The following LRRC37A2 variants were observed in gnomAD, a reference collection of about 807,000 sequenced individuals.
LRRC37A2 encodes leucine rich repeat containing 37 member A2, also known as leucine-rich repeat-containing protein 37A2.
In LRRC37A2, 9 loss-of-function variants were observed where a neutral mutation model predicts 68.8. That is an observed-to-expected ratio of 0.13 (90% CI 0.08 to 0.23). LRRC37A2 has a LOEUF of 0.23. Among genes scored for constraint, LRRC37A2 ranks in the 10% least tolerant of loss-of-function variants. The probability of loss-of-function intolerance (pLI) is 1.00; values close to 1 mark genes in which losing one functional copy is unlikely to be tolerated. For synonymous variants in LRRC37A2, 63 were observed against 367.6 expected (o/e 0.17, Z 9.48); for missense variants, 168 against 950.4 (o/e 0.18, Z 10.82).
the LRRC37A2 span, among the ~76,000 whole-genome samples, chr17:46,954,649 T>A: frequency 3.9e-5 from 6 of 152,258 alleles, no homozygotes; most frequent in Admixed American, 6.5e-5. Context: ...TGATTCTTCC[T>A]ACCCATGAGC....
At chr17:46,816,357 AAC>A in the LRRC37A2 span, among the ~76,000 whole-genome samples, 5,217 of 152,058 alleles carry the variant, frequency 0.034, 268 homozygotes, top group African/African-American at 0.12. Context: ...TGGATCCCCC[AAC>A]ACGCCCACAC....
the LRRC37A2 span, among the ~76,000 whole-genome samples, chr17:46,959,288 C>G: frequency 2.6e-5 from 4 of 152,180 alleles, no homozygotes; most frequent in South Asian, 8.3e-4. Flanking sequence ...AATCACACAC[C>G]AAAAAGGAAA....
At chr17:46,716,585 A>G in the LRRC37A2 span, among the ~76,000 whole-genome samples, 5 of 152,252 alleles carry the variant, frequency 3.3e-5, no homozygotes, top group South Asian at 1.0e-3. Context: ...GTGAGGATGG[A>G]AAGAAGATGT....
At chr17:46,855,171 G>T in the LRRC37A2 span, among the ~76,000 whole-genome samples, 2 of 152,256 alleles carry the variant, frequency 1.3e-5, no homozygotes, top group African/African-American at 2.4e-5. Context: ...ACAGCCTCCA[G>T]TGCTAAGACA....
chr17:46,691,901 T>C, the LRRC37A2 span, among the ~76,000 whole-genome samples: 1 of 151,036 alleles, frequency 6.6e-6, no homozygotes, highest in East Asian at 2.0e-4. Flanking sequence ...TACAGGCACC[T>C]GCCACCACAC....
the LRRC37A2 span, among the ~76,000 whole-genome samples, chr17:46,778,403 G>T: frequency 6.6e-6 from 1 of 152,144 alleles, no homozygotes. Context: ...GTCATCCTGC[G>T]AGTAATTAGC....
chr17:46,631,125 A>G, the LRRC37A2 span, among the ~76,000 whole-genome samples: 1 of 131,700 alleles, frequency 7.6e-6, no homozygotes, highest in South Asian at 2.3e-4. Context: ...CCTACTCCTC[A>G]TTTAGGAACC....
chr17:46,548,636 G>C, exon 10 of LRRC37A2: 1 of 1,603,654 alleles, frequency 6.2e-7, no homozygotes, highest in Non-Finnish European at 8.5e-7. Flanking sequence ...AGAGTGAAGA[G>C]AGTCCTCATG....
At chr17:46,903,009 TG>T in the LRRC37A2 span, among the ~76,000 whole-genome samples, 2 of 152,104 alleles carry the variant, frequency 1.3e-5, no homozygotes, top group Non-Finnish European at 2.9e-5. Context: ...GGGCCAGGTG[TG>T]GTGGCTCATG....
At chr17:47,043,331 C>G in the LRRC37A2 span, among the ~76,000 whole-genome samples, 1,010 of 151,840 alleles carry the variant, frequency 6.7e-3, 1 homozygote, top group African/African-American at 0.023. Flanking sequence ...ACATTTCAGA[C>G]ATCATGCCAG....
chr17:47,038,942 C>T, the LRRC37A2 span, among the ~76,000 whole-genome samples: 6 of 141,986 alleles, frequency 4.2e-5, no homozygotes, highest in Non-Finnish European at 7.7e-5. Context: ...GATCCTCCAG[C>T]CTCAGCCTCC....
the LRRC37A2 span, among the ~76,000 whole-genome samples, chr17:46,467,545 G>A: frequency 3.0e-4 from 31 of 102,810 alleles, 13 homozygotes; most frequent in Admixed American, 2.0e-3. Context: ...GGTAACTTTG[G>A]TGCTGTTTTT....
chr17:46,866,685 G>A, the LRRC37A2 span, among the ~76,000 whole-genome samples: 1 of 152,080 alleles, frequency 6.6e-6, no homozygotes, highest in African/African-American at 2.4e-5. Context: ...CCTGTAGTTG[G>A]CATGGCCCTG....
chr17:47,000,236 CTTT>C, the LRRC37A2 span, among the ~76,000 whole-genome samples: 13 of 120,910 alleles, frequency 1.1e-4, no homozygotes, highest in Non-Finnish European at 1.4e-4. Context: ...TTGTTTTTTG[CTTT>C]TTTTTTTTTT....
the LRRC37A2 span, among the ~76,000 whole-genome samples, chr17:46,813,782 A>G: frequency 6.6e-6 from 1 of 152,184 alleles, no homozygotes; most frequent in African/African-American, 2.4e-5. Context: ...GACTTCTTCC[A>G]ATTCTACATC....
the LRRC37A2 span, chr17:47,033,495 A>G: frequency 6.2e-6 from 4 of 646,912 alleles, no homozygotes. Flanking sequence ...TCTTCCATGG[A>G]ACCAGTTTTC....
chr17:46,923,296 C>A, the LRRC37A2 span: 1 of 1,548,464 alleles, frequency 6.5e-7, no homozygotes, highest in Non-Finnish European at 8.7e-7. Flanking sequence ...GGGCTGAGGC[C>A]TCGGACGTCA....
At chr17:46,935,801 C>T in the LRRC37A2 span, 1 of 986,670 alleles carries the variant, frequency 1.0e-6, no homozygotes, top group Non-Finnish European at 1.2e-6. Context: ...TTTACAGAAA[C>T]ATTACACAGA....
the LRRC37A2 span, among the ~76,000 whole-genome samples, chr17:46,864,130 A>C: frequency 1.3e-5 from 2 of 152,202 alleles, no homozygotes; most frequent in East Asian, 3.9e-4. Flanking sequence ...GCGTGGGAAG[A>C]GGGTGATCGG....
Sources: gnomAD v4.1 joint callset for allele counts (sites outside exome capture counted in the v4.1 genomes callset) on GRCh38, gnomAD v4.1.1 for gene constraint, MANE v1.5 for transcripts, NCBI Gene and HGNC (gene_info 2026-07-23, HGNC 2026-07-21) for gene names.